OLFM3: variants seen among roughly 807,000 people sequenced by gnomAD.
OLFM3 encodes olfactomedin 3.
Under a neutral mutation model 48.6 loss-of-function variants are expected in OLFM3, and 20 were observed. The ratio of observed to expected loss-of-function variants is 0.41; its 90% confidence interval spans 0.29 to 0.60. OLFM3 has a LOEUF of 0.60. OLFM3 is among the 20% of genes least tolerant of loss of function. OLFM3 has a pLI of 0.28. For synonymous variants in OLFM3, 222 were observed against 198.1 expected (o/e 1.12, Z -1.01); for missense variants, 437 against 544.3 (o/e 0.80, Z 1.96).
chr1:101,911,259 G>A (rs1291353869), intron 1 of OLFM3, among the ~76,000 whole-genome samples: 1 of 152,012 alleles, frequency 6.6e-6, no homozygotes, highest in African/African-American at 2.4e-5. Context: ...TAGGAAGGAA[G>A]GGTAGCAGAA....
At chr1:101,824,924 T>A in intron 4 of OLFM3, 102 bp downstream of exon 4, 11 of 1,015,596 alleles carry the variant, frequency 1.1e-5, no homozygotes, top group African/African-American at 1.6e-5. Flanking sequence ...TCTGATTTCT[T>A]TACAATTAGA....
rs72731616 is a variant in OLFM3 at position 101,926,482 on chromosome 1, G to A, written c.69+70266C>T. On this transcript the variant is annotated intron_variant, in intron 1 of 5. Transcript: ENST00000370103. ...TGGAGCAAGAAGAACCCTGTTTTAA[G>A]ACAGAAGTCTTTAGGAAAAGTCTCC... 1.4e-3 allele frequency among the ~76,000 whole-genome samples: 211 copies of A among 152,316 alleles called. 2 individuals carry two copies. The highest frequency in any genetic ancestry group is 3.7e-3 in the Admixed American group (56 of 15,288).
intron 1 of OLFM3, among the ~76,000 whole-genome samples, chr1:101,979,216 C>G (rs1661039653): frequency 6.6e-6 from 1 of 152,078 alleles, no homozygotes; most frequent in African/African-American, 2.4e-5. Flanking sequence ...CTTACAGTCC[C>G]ACCTGCTGTC....
chr1:101,833,362 A>G (rs1655256060), intron 2 of OLFM3, among the ~76,000 whole-genome samples: 1 of 152,218 alleles, frequency 6.6e-6, no homozygotes, highest in African/African-American at 2.4e-5. Context: ...GGTCTTAAGC[A>G]TCTCTTGCTG....
intron 1 of OLFM3, among the ~76,000 whole-genome samples, chr1:101,937,272 T>C (rs1275459315): frequency 6.6e-6 from 1 of 152,232 alleles, no homozygotes; most frequent in Non-Finnish European, 1.5e-5. Flanking sequence ...TCTGCTCCTG[T>C]ATCCGTCTAT....
At chr1:101,853,377 C>A (rs900397372) in intron 1 of OLFM3, among the ~76,000 whole-genome samples, 3 of 152,030 alleles carry the variant, frequency 2.0e-5, no homozygotes, top group African/African-American at 7.2e-5. Context: ...TCTGGCCACA[C>A]TATCTAAAAT....
At chr1:101,816,192 A>G (rs1028415639) in intron 4 of OLFM3, among the ~76,000 whole-genome samples, 1 of 152,190 alleles carries the variant, frequency 6.6e-6, no homozygotes, top group African/African-American at 2.4e-5. Context: ...CAGAAAATGA[A>G]TCGAAGTTGG....
intron 4 of OLFM3, among the ~76,000 whole-genome samples, chr1:101,808,879 TAA>T (rs1427101225): frequency 3.3e-5 from 5 of 151,770 alleles, no homozygotes; most frequent in African/African-American, 9.7e-5. Context: ...ACAGAAGAGA[TAA>T]CTCAGAGGAT....
chr1:101,904,018 C>T (rs1429653997), intron 1 of OLFM3, among the ~76,000 whole-genome samples: 3 of 151,874 alleles, frequency 2.0e-5, no homozygotes, highest in Non-Finnish European at 2.9e-5. Context: ...ACAAAGTATC[C>T]CTTTATTTCA....
chr1:101,957,782 T>A (rs1660341757), intron 1 of OLFM3, among the ~76,000 whole-genome samples: 1 of 151,900 alleles, frequency 6.6e-6, no homozygotes, highest in African/African-American at 2.4e-5. Context: ...AATTGACAAA[T>A]AACCAATTCC....
chr1:101,810,847 A>G (rs1017523902), intron 4 of OLFM3, among the ~76,000 whole-genome samples: 2 of 151,666 alleles, frequency 1.3e-5, no homozygotes, highest in Admixed American at 6.6e-5. Context: ...CACTTAATAT[A>G]TATATCAAAG....
chr1:101,872,394 A>G (rs1657115590), intron 1 of OLFM3, among the ~76,000 whole-genome samples: 3 of 152,060 alleles, frequency 2.0e-5, no homozygotes, highest in African/African-American at 7.2e-5. Flanking sequence ...CTAAAGATTA[A>G]TGGTATATTA....
At position 101,825,285 on chromosome 1, in the gene OLFM3, A is replaced by G. The variant is rs902400545; in HGVS notation, c.373-40T>C. ...CTATTGTTCCTGAGAGTCATTTAAAACAGATCATGCTGCTCTGTTCTTTTT... is the reference window on the plus strand; with the variant it reads ...CTATTGTTCCTGAGAGTCATTTAAAGCAGATCATGCTGCTCTGTTCTTTTT... On this transcript the variant is annotated intron_variant, in intron 3 of 5. Transcript: ENST00000370103. The G allele has an allele frequency of 8.7e-6, 13 of 1,485,728 alleles. No homozygotes were observed. The African/African-American group carries it at 1.4e-4, about 16-fold the overall frequency. The allele number at this position is 1,485,728 out of a possible 1,614,324, so 92.0% of individuals were successfully genotyped here.
intron 1 of OLFM3, among the ~76,000 whole-genome samples, chr1:101,989,328 T>C (rs567960005): frequency 2.6e-5 from 4 of 152,220 alleles, no homozygotes; most frequent in Middle Eastern, 3.4e-3. Context: ...GAATCAATGT[T>C]CTTGGAAAAA....
intron 1 of OLFM3, among the ~76,000 whole-genome samples, chr1:101,938,119 C>G (rs2182763): frequency 1.3e-5 from 2 of 151,824 alleles, no homozygotes; most frequent in Non-Finnish European, 2.9e-5. Context: ...AACTTATTAA[C>G]AAATTACTTC....
intron 1 of OLFM3, among the ~76,000 whole-genome samples, chr1:101,955,073 A>G (rs1186486962): frequency 6.6e-6 from 1 of 152,020 alleles, no homozygotes; most frequent in African/African-American, 2.4e-5. Flanking sequence ...AATTCTCCAT[A>G]TGGTTCATTT....
At chr1:101,874,687 C>T (rs1305897566) in intron 1 of OLFM3, among the ~76,000 whole-genome samples, 3 of 151,770 alleles carry the variant, frequency 2.0e-5, no homozygotes, top group Non-Finnish European at 4.4e-5. Context: ...AAATTCTTGC[C>T]CAGGGTCACA....
chr1:101,986,967 C>T (rs139027933), intron 1 of OLFM3, among the ~76,000 whole-genome samples: 6 of 152,286 alleles, frequency 3.9e-5, no homozygotes, highest in Admixed American at 1.3e-4. Context: ...ATCCCTGATA[C>T]GTAAACAAAT....
intron 3 of OLFM3, 70 bp from the exon 4 acceptor site, chr1:101,825,315 T>C: frequency 2.5e-6 from 3 of 1,189,188 alleles, no homozygotes; most frequent in Admixed American, 4.7e-5. Context: ...CTTTTTATTA[T>C]GATACTTAAA....
Sources: gnomAD v4.1 joint callset for allele counts (sites outside exome capture counted in the v4.1 genomes callset) on GRCh38, gnomAD v4.1.1 for gene constraint, MANE v1.5 for transcripts, NCBI Gene and HGNC (gene_info 2026-07-23, HGNC 2026-07-21) for gene names.